Variants in FLNB observed in about 807,000 individuals in gnomAD.
FLNB encodes filamin-B.
Under a neutral mutation model 250.6 loss-of-function variants are expected in FLNB, and 111 were observed. That is an observed-to-expected ratio of 0.44 (90% CI 0.38 to 0.52). The LOEUF (loss-of-function observed/expected upper bound fraction) is 0.52, where lower values mean the gene tolerates loss of function less well. FLNB is among the 20% of genes least tolerant of loss of function. The pLI is 0.00. For synonymous variants in FLNB, 1,302 were observed against 1,372.1 expected (o/e 0.95, Z 1.13); for missense variants, 2,869 against 3,447.8 (o/e 0.83, Z 4.20).
chr3:58,081,831 T>C, intron 4 of FLNB, 55 bp downstream of exon 4: 1 of 1,588,488 alleles, frequency 6.3e-7, no homozygotes, highest in Non-Finnish European at 8.6e-7. Flanking sequence ...GTGTTGGAGA[T>C]GATTTCATGG....
intron 1 of FLNB, among the ~76,000 whole-genome samples, chr3:58,040,985 C>T (rs1559652103): frequency 6.6e-6 from 1 of 152,058 alleles, no homozygotes; most frequent in Non-Finnish European, 1.5e-5. Flanking sequence ...GAGTGCTAAC[C>T]ATAGTGAGTG....
At chr3:58,051,827 G>T (rs1416085214) in intron 1 of FLNB, among the ~76,000 whole-genome samples, 1 of 152,144 alleles carries the variant, frequency 6.6e-6, no homozygotes. Context: ...CATTAGCACA[G>T]AGCAACCCTG....
intron 35 of FLNB, 38 bp downstream of exon 35, chr3:58,148,402 T>C: frequency 6.2e-7 from 1 of 1,601,080 alleles, no homozygotes. Flanking sequence ...AGCCAGGACA[T>C]CTTGGGTGGG....
In FLNB at chr3:58,146,924, G is replaced by C; in HGVS notation, c.5659G>C (p.Asp1887His). The change falls in exon 34 of 46, where the codon GAC becomes CAC. Residue 1887 changes from aspartate to histidine, a missense_variant. Coordinates refer to ENST00000295956, the MANE Select transcript of FLNB (RefSeq NM_001457.4). ...TVTYLPTLPG[D>H]YSILVKYNDK... is the part of the protein sequence containing the mutation. ...GACCTACCTGCCGACTCTGCCAGGC[G>C]ACTACAGCATTCTGGTCAAGTACAA... The C allele has an allele frequency of 1.9e-6, 3 of 1,614,162 alleles. No individual in the cohort carries two copies. The highest frequency in any genetic ancestry group is 1.3e-5 in the African/African-American group (1 of 75,024).
At chr3:58,157,222 G>T (rs1484498919) in intron 41 of FLNB, among the ~76,000 whole-genome samples, 2 of 152,330 alleles carry the variant, frequency 1.3e-5, no homozygotes. Context: ...TGTCTGAACT[G>T]GGAGTAGCAA....
At chr3:58,158,597 CAAGTCTAAATCAAAATTACTG>C (rs1232441850) in intron 41 of FLNB, among the ~76,000 whole-genome samples, 14 of 152,312 alleles carry the variant, frequency 9.2e-5, no homozygotes, top group African/African-American at 3.4e-4. Flanking sequence ...GCTGTCCGAC[CAAGTCTAAATCAAAATTACTG>C]ACTTGTAAAA....
At chr3:58,078,627 AAGAAAAAATGGGG>A in intron 2 of FLNB, 77 bp from the exon 3 acceptor site, 1 of 1,513,318 alleles carries the variant, frequency 6.6e-7, no homozygotes, top group Admixed American at 2.0e-5. Context: ...TCTGAACTAA[AAGAAAAAATGGGG>A]TTAGTTTAGG....
At chr3:58,009,412 T>G (rs1040073414) in intron 1 of FLNB, among the ~76,000 whole-genome samples, 13 of 152,126 alleles carry the variant, frequency 8.5e-5, no homozygotes, top group African/African-American at 3.1e-4. Flanking sequence ...GGAATGGGTG[T>G]GGGCCCCGAG....
chr3:58,049,285 C>T (rs1485802501), intron 1 of FLNB, among the ~76,000 whole-genome samples: 1 of 152,090 alleles, frequency 6.6e-6, no homozygotes. Flanking sequence ...GTGTTTGCTG[C>T]CTGGTGGTGT....
chr3:58,147,920 A>T (rs1458045213), intron 34 of FLNB, among the ~76,000 whole-genome samples: 1 of 152,182 alleles, frequency 6.6e-6, no homozygotes, highest in African/African-American at 2.4e-5. Flanking sequence ...TCAGCCTCTC[A>T]AAGTGTTGGG....
Position 58,147,120 on chromosome 3 carries a change from T to C in FLNB, c.5728+127T>C, listed in dbSNP as rs998645178. The C allele has an allele frequency of 2.5e-5, 23 of 924,344 alleles. 1 individual carries two copies. In the South Asian group the frequency reaches 3.0e-4, roughly 12 times the overall value. 57.3% of individuals were successfully genotyped at this position (924,344 alleles called of 1,614,324 possible). A position where few individuals can be genotyped will look rare whatever the true frequency, so the allele number is the denominator to read the frequency against. ...TGAGTTTAGGTTTCACAGAGACTTG[T>C]TGAGGAGGAGCAGGGGATGGAATGC... On this transcript the variant is annotated intron_variant, in intron 34 of 45. Transcript: ENST00000295956.
rs2097350926 is a variant in FLNB at position 58,154,873 on chromosome 3, A to G, written c.6717A>G (p.Thr2239=). The G allele has an allele frequency of 1.2e-6, 2 of 1,614,012 alleles. No individual in the cohort carries two copies. The highest frequency in any genetic ancestry group is 1.1e-5 in the South Asian group (1 of 91,082). The change falls in exon 40 of 46, where the codon ACA becomes ACG. Residue 2239 remains threonine, a synonymous_variant. Transcript: ENST00000295956. ...AGGGCCCCAGTAAGGCCGAGATTACATTCGATGACCATAAAAATGGGTCGT... is the reference window on the plus strand; with the variant it reads ...AGGGCCCCAGTAAGGCCGAGATTACGTTCGATGACCATAAAAATGGGTCGT... ...AVEGPSKAEI[T]FDDHKNGSCG...
intron 45 of FLNB, among the ~76,000 whole-genome samples, chr3:58,170,019 C>T (rs949216516): frequency 2.3e-4 from 35 of 152,178 alleles, no homozygotes; most frequent in African/African-American, 8.2e-4. Context: ...TTTCAAGGGT[C>T]GGTTGCCTGG....
chr3:58,069,427 G>C (rs1469349234), intron 1 of FLNB, among the ~76,000 whole-genome samples: 1 of 151,834 alleles, frequency 6.6e-6, no homozygotes, highest in African/African-American at 2.4e-5. Flanking sequence ...TTTTAGTAGC[G>C]ACAGGGTTTC....
intron 22 of FLNB, 85 bp downstream of exon 22, chr3:58,124,590 C>A: frequency 1.4e-6 from 2 of 1,420,414 alleles, no homozygotes; most frequent in Non-Finnish European, 2.0e-6. Flanking sequence ...GATGCCTGCC[C>A]CATGTGCTAG....
At chr3:58,157,444 G>C (rs2097354999) in intron 41 of FLNB, among the ~76,000 whole-genome samples, 1 of 152,214 alleles carries the variant, frequency 6.6e-6, no homozygotes, top group South Asian at 2.1e-4. Context: ...GATACCTCCA[G>C]TTGTTCCAAA....
intron 38 of FLNB, 21 bp from the exon 39 acceptor site, chr3:58,153,354 C>A (rs779778195): frequency 1.2e-6 from 2 of 1,614,138 alleles, no homozygotes; most frequent in Non-Finnish European, 1.7e-6. Flanking sequence ...TTCTCTCCCC[C>A]AACCTCCCTC....
chr3:58,062,945 T>C (rs1237834746), intron 1 of FLNB, among the ~76,000 whole-genome samples: 2 of 152,188 alleles, frequency 1.3e-5, no homozygotes, highest in Non-Finnish European at 2.9e-5. Context: ...ACAGTGGTTG[T>C]AGTAGCCCCC....
rs767451533 is a variant in FLNB, at chr3:58,148,336, C to A, written c.5859C>A (p.Leu1953=). The part of the protein sequence containing the change: ...KAPSGRDEPC[L]LKRLPNNHIG... ...CATCTGGCCGAGACGAGCCCTGTCT[C>A]CTGAAGAGGCTGCCCAACAACCACA... The change falls in exon 35 of 46, where the codon CTC becomes CTA. Residue 1953 remains leucine (L), a synonymous_variant. Transcript: ENST00000295956. 9 of 1,613,824 alleles carry A rather than the reference C, an allele frequency of 5.6e-6. No homozygotes were observed. The Middle Eastern group carries it at 4.9e-4, about 88-fold the overall frequency.
Sources: allele counts gnomAD v4.1 joint callset (sites outside exome capture counted in the v4.1 genomes callset), GRCh38; gene constraint gnomAD v4.1.1; transcripts MANE v1.5; gene names NCBI Gene and HGNC (gene_info 2026-07-23, HGNC 2026-07-21).